SOX6: variants seen among roughly 807,000 people sequenced by gnomAD.
SOX6 encodes the protein SRY-box transcription factor 6.
In SOX6, 11 loss-of-function variants were observed where a neutral mutation model predicts 97.8. The observed-to-expected ratio is 0.11, with a 90% CI of 0.07 to 0.19. SOX6 has a LOEUF of 0.19. SOX6 is among the 10% of genes least tolerant of loss of function. SOX6 has a pLI of 1.00. For missense variants in SOX6, 810 were observed against 1,039.5 expected (o/e 0.78, Z 3.04); for synonymous variants, 360 against 371.4 (o/e 0.97, Z 0.35).
At chr11:16,681,239 C>T (rs990250291) in intron 3 of SOX6, among the ~76,000 whole-genome samples, 5 of 152,166 alleles carry the variant, frequency 3.3e-5, no homozygotes, top group African/African-American at 1.2e-4. Flanking sequence ...TGTAAAAGAA[C>T]AGTAATCACA....
chr11:16,559,499 G>C (rs1050235938), intron 4 of SOX6, among the ~76,000 whole-genome samples: 1 of 152,004 alleles, frequency 6.6e-6, no homozygotes, highest in African/African-American at 2.4e-5. Flanking sequence ...ACAAGCCTAG[G>C]TTTTAATAAA....
At chr11:16,181,804 T>C (rs557925067) in intron 6 of SOX6, among the ~76,000 whole-genome samples, 1 of 151,878 alleles carries the variant, frequency 6.6e-6, no homozygotes, top group Admixed American at 6.6e-5. Flanking sequence ...TGAGTTCTTA[T>C]TACAAAGAAT....
intron 4 of SOX6, among the ~76,000 whole-genome samples, chr11:16,197,188 G>T (rs148548581): frequency 8.4e-4 from 127 of 152,034 alleles, no homozygotes; most frequent in African/African-American, 2.9e-3. Context: ...CCCATTCCAG[G>T]TCTGTCATGA....
intron 3 of SOX6, among the ~76,000 whole-genome samples, chr11:16,237,809 C>T (rs1366755813): frequency 6.6e-6 from 1 of 151,924 alleles, no homozygotes; most frequent in Non-Finnish European, 1.5e-5. Context: ...AACAATTAAA[C>T]AATATGCAGT....
intron 3 of SOX6, among the ~76,000 whole-genome samples, chr11:16,250,846 C>T (rs974871563): frequency 6.6e-6 from 1 of 151,944 alleles, no homozygotes; most frequent in African/African-American, 2.4e-5. Context: ...TCAAACATTA[C>T]ACTCAACAAT....
intron 4 of SOX6, among the ~76,000 whole-genome samples, chr11:16,533,972 T>C (rs931965926): frequency 6.6e-5 from 10 of 152,116 alleles, no homozygotes; most frequent in African/African-American, 2.4e-4. Flanking sequence ...CATACCAGTC[T>C]ATGTCTCAAA....
intron 4 of SOX6, among the ~76,000 whole-genome samples, chr11:16,513,886 C>T (rs572724341): frequency 2.0e-4 from 31 of 152,056 alleles, no homozygotes; most frequent in African/African-American, 7.2e-4. Context: ...AATAGGCACA[C>T]AAGATTTTTA....
At chr11:16,484,189 G>A in intron 4 of SOX6, 2 of 796,786 alleles carry the variant, frequency 2.5e-6, no homozygotes, top group South Asian at 2.7e-5. Flanking sequence ...AATGGTTGAA[G>A]TTGGAGATGC....
intron 4 of SOX6, among the ~76,000 whole-genome samples, chr11:16,211,357 G>A (rs1852223598): frequency 6.6e-6 from 1 of 152,070 alleles, no homozygotes; most frequent in African/African-American, 2.4e-5. Context: ...AGGGATTTAA[G>A]CTAGGAGGCT....
intron 4 of SOX6, among the ~76,000 whole-genome samples, chr11:16,561,694 CA>C (rs1847816807): frequency 6.6e-6 from 1 of 152,094 alleles, no homozygotes; most frequent in Non-Finnish European, 1.5e-5. Flanking sequence ...AAGACTCTTT[CA>C]GGGGTCTAAT....
intron 1 of SOX6, among the ~76,000 whole-genome samples, chr11:16,411,501 A>T (rs879466700): frequency 2.6e-5 from 4 of 152,084 alleles, no homozygotes; most frequent in Admixed American, 6.5e-5. Context: ...GAGAATACAC[A>T]TCTTTTAATT....
intron 1 of SOX6, among the ~76,000 whole-genome samples, chr11:16,432,392 C>A (rs1234892262): frequency 6.6e-6 from 1 of 152,064 alleles, no homozygotes; most frequent in Non-Finnish European, 1.5e-5. Context: ...GATTCAAAAG[C>A]AATTTATGAA....
At position 16,039,260 on chromosome 11, in the gene SOX6, C is replaced by T. The variant is rs183606205; in HGVS notation, c.1623+7254G>A. Among the ~76,000 whole-genome samples the T allele has an allele frequency of 3.9e-5, 6 of 152,130 alleles. No homozygotes were observed. The East Asian group carries it at 1.2e-3, about 29-fold the overall frequency. On this transcript the variant is annotated intron_variant, in intron 12 of 15. Transcript: ENST00000683767. ...CAAAATTCTTTTTACATCAAGGCAA[C>T]GTATAAACACAAATAGTACAACTGT...
intron 1 of SOX6, among the ~76,000 whole-genome samples, chr11:16,365,087 A>C (rs1857318780): frequency 6.6e-6 from 1 of 152,136 alleles, no homozygotes; most frequent in Admixed American, 6.6e-5. Flanking sequence ...CATAATTTTT[A>C]TTATAGTATA....
chr11:16,186,089 A>C (rs1851466314), intron 5 of SOX6, among the ~76,000 whole-genome samples: 1 of 152,180 alleles, frequency 6.6e-6, no homozygotes, highest in Admixed American at 6.5e-5. Context: ...AAAGTGATTT[A>C]TTTTTAAAAG....
intron 9 of SOX6, among the ~76,000 whole-genome samples, chr11:16,084,831 G>C (rs1454329018): frequency 6.6e-6 from 1 of 151,630 alleles, no homozygotes; most frequent in African/African-American, 2.4e-5. Flanking sequence ...TTTGGCAATA[G>C]AGTTTCATTA....
At chr11:16,100,680 C>T (rs1484178336) in intron 7 of SOX6, among the ~76,000 whole-genome samples, 1 of 150,946 alleles carries the variant, frequency 6.6e-6, no homozygotes, top group African/African-American at 2.4e-5. Flanking sequence ...TAAGAACCTA[C>T]AACCCATTAG....
chr11:16,545,780 C>G (rs1231402183), intron 4 of SOX6, among the ~76,000 whole-genome samples: 1 of 152,060 alleles, frequency 6.6e-6, no homozygotes, highest in Non-Finnish European at 1.5e-5. Context: ...AATGAGATCT[C>G]ATCGCTACAA....
chr11:16,514,630 T>C (rs977297488), intron 4 of SOX6, among the ~76,000 whole-genome samples: 1 of 151,308 alleles, frequency 6.6e-6, no homozygotes, highest in Non-Finnish European at 1.5e-5. Context: ...TGTGCCACAC[T>C]GGTGCGCTGC....
Sources: allele counts gnomAD v4.1 joint callset (sites outside exome capture counted in the v4.1 genomes callset), GRCh38; gene constraint gnomAD v4.1.1; transcripts MANE v1.5; gene names NCBI Gene and HGNC (gene_info 2026-07-23, HGNC 2026-07-21).